KIAA1217: variants seen among roughly 807,000 people sequenced by gnomAD.
KIAA1217 encodes the protein KIAA1217.
Under a neutral mutation model 163.9 loss-of-function variants are expected in KIAA1217, and 88 were observed. The ratio of observed to expected loss-of-function variants is 0.54; its 90% confidence interval spans 0.45 to 0.64. The LOEUF (loss-of-function observed/expected upper bound fraction) is 0.64, where lower values mean the gene tolerates loss of function less well. Among genes scored for constraint, KIAA1217 ranks in the 30% least tolerant of loss-of-function variants. KIAA1217 has a pLI of 0.00. For missense variants in KIAA1217, 2,372 were observed against 2,475.0 expected (o/e 0.96, Z 0.88); for synonymous variants, 903 against 923.1 (o/e 0.98, Z 0.39).
At chr10:23,958,348 A>T (rs1844659655) in intron 1 of KIAA1217, among the ~76,000 whole-genome samples, 2 of 152,184 alleles carry the variant, frequency 1.3e-5, no homozygotes, top group African/African-American at 4.8e-5. Flanking sequence ...ACACCAAAAA[A>T]TTGGGGCAAG....
chr10:24,188,953 A>C (rs1314617044), intron 2 of KIAA1217, among the ~76,000 whole-genome samples: 1 of 151,858 alleles, frequency 6.6e-6, no homozygotes, highest in East Asian at 1.9e-4. Context: ...AAAATACGAG[A>C]AAATTAGCCG....
rs535188436 is a variant in KIAA1217 at position 24,176,072 on chromosome 10, T to C, written c.-170-43554T>C. Among the ~76,000 whole-genome samples the C allele has an allele frequency of 2.0e-5, 3 of 152,368 alleles. No individual in the cohort carries two copies. In the East Asian group the frequency reaches 5.8e-4, roughly 29 times the overall value. ...TTATCTGGCCCCACCCACATGCTCC[T>C]GATTGGTCCATTTTACAGAGAGCTG... On this transcript the variant is annotated intron_variant, in intron 2 of 18. Transcript: ENST00000376462.
intron 1 of KIAA1217, among the ~76,000 whole-genome samples, chr10:23,913,251 T>A (rs965051753): frequency 6.6e-6 from 1 of 152,108 alleles, no homozygotes; most frequent in Non-Finnish European, 1.5e-5. Context: ...GGGGATTCTC[T>A]GGGTCAGTGA....
intron 2 of KIAA1217, among the ~76,000 whole-genome samples, chr10:24,095,910 A>G (rs2062141351): frequency 6.6e-6 from 1 of 152,162 alleles, no homozygotes; most frequent in Non-Finnish European, 1.5e-5. Context: ...ATTTGAGGCC[A>G]GGCTGAAAAA....
chr10:23,860,776 A>G (rs1277427982), intron 1 of KIAA1217, among the ~76,000 whole-genome samples: 1 of 150,886 alleles, frequency 6.6e-6, no homozygotes, highest in Non-Finnish European at 1.5e-5. Context: ...GTTCTTGTGT[A>G]TTTTTTTTTC....
At chr10:24,481,475 G>A (rs1294830332) in intron 6 of KIAA1217, 4 of 152,258 alleles carry the variant, frequency 2.6e-5, no homozygotes, top group Middle Eastern at 3.4e-3. Flanking sequence ...AAGTCACATG[G>A]CACCCCCAGA....
chr10:24,103,200 T>C (rs1272380007), intron 2 of KIAA1217, among the ~76,000 whole-genome samples: 1 of 152,052 alleles, frequency 6.6e-6, no homozygotes, highest in African/African-American at 2.4e-5. Context: ...CTGGAACAAC[T>C]AGACAACACA....
chr10:24,214,056 C>A (rs1564839918), intron 1 of KIAA1217, among the ~76,000 whole-genome samples: 3 of 152,096 alleles, frequency 2.0e-5, no homozygotes, highest in African/African-American at 4.8e-5. Context: ...ACTCCAGATT[C>A]TGAGGCAGGA....
chr10:24,528,416 G>A (rs2072566278), intron 14 of KIAA1217, among the ~76,000 whole-genome samples: 1 of 151,208 alleles, frequency 6.6e-6, no homozygotes, highest in Admixed American at 6.6e-5. Flanking sequence ...CCAACTACTG[G>A]GCTCAAGCAA....
At chr10:24,342,316 A>G (rs1439111332) in intron 2 of KIAA1217, among the ~76,000 whole-genome samples, 1 of 152,254 alleles carries the variant, frequency 6.6e-6, no homozygotes, top group Non-Finnish European at 1.5e-5. Flanking sequence ...ATGGCAGCTG[A>G]CAGCAGAAAC....
intron 14 of KIAA1217, among the ~76,000 whole-genome samples, chr10:24,529,490 T>TTATATATA (rs754240362): frequency 4.1e-4 from 62 of 150,684 alleles, no homozygotes; most frequent in African/African-American, 1.4e-3. Context: ...TGGAGGGAAT[T>TTATATATA]TATATATATA....
At position 23,929,303 on chromosome 10, in the gene KIAA1217, G is replaced by GATTTT. The variant is rs559810991; in HGVS notation, c.-320-77911_-320-77907dup. On this transcript the variant is annotated intron_variant, in intron 1 of 18. Coordinates refer to the KIAA1217 transcript ENST00000376462. ...AAAATATGAACTCACTGAAATAATG[G>GATTTT]ATTTTATTTTATTTTTTATTTTTTT... Among the ~76,000 whole-genome samples the GATTTT allele has an allele frequency of 2.2e-3, 332 of 152,178 alleles. 1 individual carries two copies. The highest frequency in any genetic ancestry group is 7.4e-3 in the African/African-American group (307 of 41,516).
At chr10:24,347,926 G>A (rs2047992764) in intron 2 of KIAA1217, among the ~76,000 whole-genome samples, 2 of 152,114 alleles carry the variant, frequency 1.3e-5, no homozygotes. Flanking sequence ...CATCCTTTGA[G>A]TTTTAAGGTG....
intron 1 of KIAA1217, among the ~76,000 whole-genome samples, chr10:23,807,680 T>A (rs1322611678): frequency 6.6e-6 from 1 of 152,194 alleles, no homozygotes; most frequent in African/African-American, 2.4e-5. Flanking sequence ...GCCTTTCACT[T>A]CAGCACACAG....
At chr10:24,493,029 A>G (rs1342347432) in intron 6 of KIAA1217, among the ~76,000 whole-genome samples, 1 of 152,102 alleles carries the variant, frequency 6.6e-6, no homozygotes, top group Non-Finnish European at 1.5e-5. Context: ...TATTTATAGT[A>G]GAGACGGGGT....
intron 1 of KIAA1217, among the ~76,000 whole-genome samples, chr10:23,814,828 A>AT (rs1263302699): frequency 6.6e-6 from 1 of 152,076 alleles, no homozygotes; most frequent in Non-Finnish European, 1.5e-5. Context: ...CCAAAAAAAA[A>AT]AATCACTTAA....
At position 24,008,898 on chromosome 10, in the gene KIAA1217, A is replaced by G. The variant is rs370286155; in HGVS notation, c.-171+1524A>G. 5.1e-4 allele frequency among the ~76,000 whole-genome samples: 77 copies of G among 152,300 alleles called. 1 individual carries two copies. The East Asian group carries it at 0.013, about 25-fold the overall frequency. Reference sequence around the variant, plus strand: ...GCTAGGCTAAACTTAGAGTCAGCAGACTACCATAAATAACCTGTGTTCCTC... The same window carrying G: ...GCTAGGCTAAACTTAGAGTCAGCAGGCTACCATAAATAACCTGTGTTCCTC... On this transcript the variant is annotated intron_variant, in intron 2 of 18. Transcript: ENST00000376462.
intron 2 of KIAA1217, among the ~76,000 whole-genome samples, chr10:24,173,839 A>C (rs1207563623): frequency 2.0e-5 from 3 of 152,186 alleles, no homozygotes; most frequent in Admixed American, 2.0e-4. Context: ...AAGGACTGTG[A>C]CTTCAAAAAA....
chr10:23,700,538 T>C (rs753465874), intron 1 of KIAA1217, among the ~76,000 whole-genome samples: 1 of 151,990 alleles, frequency 6.6e-6, no homozygotes, highest in Non-Finnish European at 1.5e-5. Context: ...ACAAATAAGA[T>C]TCTACATGAT....
Sources: allele counts gnomAD v4.1 joint callset (sites outside exome capture counted in the v4.1 genomes callset), GRCh38; gene constraint gnomAD v4.1.1; transcripts MANE v1.5; gene names NCBI Gene and HGNC (gene_info 2026-07-23, HGNC 2026-07-21).